Variants in CLUAP1 observed in about 807,000 individuals in gnomAD.
CLUAP1 encodes intraflagellar transport 38.
Under a neutral mutation model 55.0 loss-of-function variants are expected in CLUAP1, and 50 were observed. That is an observed-to-expected ratio of 0.91 (90% CI 0.72 to 1.15). The LOEUF (loss-of-function observed/expected upper bound fraction) is 1.15, where lower values mean the gene tolerates loss of function less well. Among genes scored for constraint, CLUAP1 ranks in the 50% most tolerant of loss-of-function variants. The pLI is 0.00. For synonymous variants in CLUAP1, 195 were observed against 175.4 expected (o/e 1.11, Z -0.88); for missense variants, 530 against 507.6 (o/e 1.04, Z -0.42).
intron 6 of CLUAP1, among the ~76,000 whole-genome samples, chr16:3,519,289 A>G (rs2037788692): frequency 6.6e-6 from 1 of 152,122 alleles, no homozygotes; most frequent in Non-Finnish European, 1.5e-5. Context: ...GCTGGTGCAC[A>G]CCAGTGTGGC....
intron 11 of CLUAP1, chr16:3,533,093 C>T: frequency 6.5e-7 from 1 of 1,536,114 alleles, no homozygotes; most frequent in Non-Finnish European, 8.7e-7. Context: ...TTCTCGCTTT[C>T]CAAAGATGGA....
upstream of CLUAP1, chr16:3,496,145 A>G: frequency 2.4e-6 from 1 of 412,612 alleles, no homozygotes; most frequent in Non-Finnish European, 4.6e-6. Flanking sequence ...CGTCTCAAAA[A>G]AAAAAAAAAG....
intron 4 of CLUAP1, among the ~76,000 whole-genome samples, chr16:3,511,392 T>C (rs2037622010): frequency 6.6e-6 from 1 of 152,166 alleles, no homozygotes; most frequent in South Asian, 2.1e-4. Context: ...TGCTAAATCC[T>C]CATTGTGGTT....
rs1244536626 is a variant in CLUAP1, at chr16:3,529,569, TATATATTATA to T, written c.929-998_929-989del. On this transcript the variant is annotated intron_variant, in intron 9 of 11. Coordinates refer to ENST00000576634, the MANE Select transcript of CLUAP1 (RefSeq NM_015041.3). ...TTATATATTATATATTATTATATATTATATATTATATAATATTATATATTATTATATATTA... is the reference window on the plus strand; with the variant it reads ...TTATATATTATATATTATTATATATTTAATATTATATATTATTATATATTA... Among the ~76,000 whole-genome samples the T allele has an allele frequency of 3.0e-4, 15 of 50,436 alleles. 1 individual carries two copies. Among genetic ancestry groups the T allele is most frequent in the African/African-American group, 1.2e-3 (13 of 11,286 alleles). 33.1% of individuals were successfully genotyped at this position (50,436 alleles called of 152,430 possible).
upstream of CLUAP1, among the ~76,000 whole-genome samples, chr16:3,500,220 C>T (rs901671837): frequency 4.6e-5 from 7 of 152,216 alleles, no homozygotes; most frequent in Non-Finnish European, 7.3e-5. Flanking sequence ...TGTTGTGCAG[C>T]CCGAGCCGTC....
chr16:3,532,677 GA>G, intron 10 of CLUAP1, 108 bp from the exon 11 acceptor site: 1 of 1,139,640 alleles, frequency 8.8e-7, no homozygotes, highest in African/African-American at 1.5e-5. Context: ...AAATTCCTGG[GA>G]TTATACGCAA....
intron 4 of CLUAP1, among the ~76,000 whole-genome samples, chr16:3,509,299 C>T (rs988834949): frequency 3.3e-5 from 5 of 152,086 alleles, no homozygotes; most frequent in Non-Finnish European, 7.4e-5. Context: ...GCAAGGAGGC[C>T]GTGTGATGAG....
intron 2 of CLUAP1, among the ~76,000 whole-genome samples, chr16:3,505,793 C>A (rs1412815625): frequency 6.6e-6 from 1 of 152,198 alleles, no homozygotes; most frequent in African/African-American, 2.4e-5. Flanking sequence ...TCAGGGTTGG[C>A]AGCTTTTTCT....
upstream of CLUAP1, among the ~76,000 whole-genome samples, chr16:3,500,685 C>T (rs894633646): frequency 3.3e-5 from 5 of 152,140 alleles, no homozygotes; most frequent in East Asian, 9.7e-4. Context: ...ATCGTGCATT[C>T]TTTATAGAAA....
intron 4 of CLUAP1, among the ~76,000 whole-genome samples, chr16:3,511,026 C>G (rs987447483): frequency 2.0e-5 from 3 of 152,194 alleles, no homozygotes; most frequent in African/African-American, 7.2e-5. Context: ...AGGAATGAAA[C>G]TCTGACTCGC....
chr16:3,526,099 T>TA (rs1370768559), intron 8 of CLUAP1, among the ~76,000 whole-genome samples: 1 of 152,138 alleles, frequency 6.6e-6, no homozygotes, highest in Non-Finnish European at 1.5e-5. Flanking sequence ...CCCCAGGTCA[T>TA]ACAGGCATGC....
chr16:3,495,548 C>G, the CLUAP1 span: 34 of 1,504,534 alleles, frequency 2.3e-5, no homozygotes, highest in Non-Finnish European at 2.9e-5. Flanking sequence ...ACGGGGAAGA[C>G]TCCCAGCCTT....
chr16:3,501,475 C>T (rs1319416680), intron 1 of CLUAP1, among the ~76,000 whole-genome samples: 1 of 152,200 alleles, frequency 6.6e-6, no homozygotes, highest in Non-Finnish European at 1.5e-5. Context: ...GTTGGGTTAG[C>T]TTAGCGCTTA....
intron 7 of CLUAP1, 127 bp from the exon 8 acceptor site, chr16:3,523,031 G>A (rs2037871325): frequency 1.5e-6 from 1 of 649,652 alleles, no homozygotes. Flanking sequence ...AGCATTACAA[G>A]AATGAAGGAC....
At chr16:3,519,434 C>G (rs1359646021) in intron 6 of CLUAP1, among the ~76,000 whole-genome samples, 1 of 152,232 alleles carries the variant, frequency 6.6e-6, no homozygotes, top group African/African-American at 2.4e-5. Flanking sequence ...TGGGTTAGGG[C>G]TGGGACCAGC....
intron 7 of CLUAP1, among the ~76,000 whole-genome samples, chr16:3,521,290 G>T (rs1274125534): frequency 6.6e-6 from 1 of 151,856 alleles, no homozygotes; most frequent in Non-Finnish European, 1.5e-5. Context: ...AAGTCTCTTT[G>T]TTTTGCTCTA....
chr16:3,497,927 G>C (rs1567416463), upstream of CLUAP1, among the ~76,000 whole-genome samples: 1 of 152,144 alleles, frequency 6.6e-6, no homozygotes, highest in Non-Finnish European at 1.5e-5. Context: ...AAAGTGCTGG[G>C]GTGATAGGTG....
chr16:3,505,232 C>G (rs1054081525), intron 2 of CLUAP1, among the ~76,000 whole-genome samples: 1 of 151,908 alleles, frequency 6.6e-6, no homozygotes, highest in Non-Finnish European at 1.5e-5. Flanking sequence ...GAGACTGTGT[C>G]TCAAAAAACA....
intron 7 of CLUAP1, among the ~76,000 whole-genome samples, chr16:3,522,031 C>T (rs1353391373): frequency 2.6e-5 from 4 of 152,076 alleles, no homozygotes; most frequent in African/African-American, 9.7e-5. Flanking sequence ...TGCACTGTAG[C>T]CTGGGTGACA....
Sources: allele counts gnomAD v4.1 joint callset (sites outside exome capture counted in the v4.1 genomes callset), GRCh38; gene constraint gnomAD v4.1.1; transcripts MANE v1.5; gene names NCBI Gene and HGNC (gene_info 2026-07-23, HGNC 2026-07-21).